RGS6: variants seen among roughly 807,000 people sequenced by gnomAD.
RGS6 encodes the protein regulator of G-protein signaling 6.
In RGS6, 30 loss-of-function variants were observed where a neutral mutation model predicts 78.5. The ratio of observed to expected loss-of-function variants is 0.38; its 90% CI spans 0.29 to 0.52. The LOEUF (loss-of-function observed/expected upper bound fraction) is 0.52. Ranked by LOEUF, RGS6 falls within the 20% of genes least tolerant of loss-of-function variation. RGS6 has a pLI of 0.85. For missense variants in RGS6, 495 were observed against 609.7 expected (o/e 0.81, Z 1.98); for synonymous variants, 206 against 206.0 (o/e 1.00, Z 0.00).
intron 3 of RGS6, among the ~76,000 whole-genome samples, chr14:72,382,172 T>C (rs751693246): frequency 6.6e-6 from 1 of 152,014 alleles, no homozygotes; most frequent in Non-Finnish European, 1.5e-5. Context: ...GAAGCCACAA[T>C]TGGAAGAAGA....
intron 2 of RGS6, among the ~76,000 whole-genome samples, chr14:72,076,506 A>G (rs1021759151): frequency 5.9e-5 from 9 of 152,196 alleles, no homozygotes; most frequent in Non-Finnish European, 2.9e-5. Flanking sequence ...AAATATATGT[A>G]CATTTAACAT....
At chr14:72,080,161 A>G (rs1406927512) in intron 2 of RGS6, among the ~76,000 whole-genome samples, 1 of 152,288 alleles carries the variant, frequency 6.6e-6, no homozygotes, top group Non-Finnish European at 1.5e-5. Context: ...AGCAGTGTAC[A>G]AAGATTCCCT....
intron 2 of RGS6, among the ~76,000 whole-genome samples, chr14:72,129,702 C>T (rs1460649473): frequency 6.6e-6 from 1 of 152,164 alleles, no homozygotes; most frequent in Non-Finnish European, 1.5e-5. Flanking sequence ...GAACTTCTAA[C>T]ATAGTGTGGC....
At chr14:72,417,094 C>T in intron 3 of RGS6, among the ~76,000 whole-genome samples, 1 of 152,210 alleles carries the variant, frequency 6.6e-6, no homozygotes, top group African/African-American at 2.4e-5. Context: ...TTATCAGCGC[C>T]ACTCCCTAAG....
chr14:72,465,607 TGGA>T, intron 6 of RGS6, 148 bp from the exon 7 acceptor site: 58 of 588,680 alleles, frequency 9.9e-5, no homozygotes, highest in African/African-American at 6.8e-4. Flanking sequence ...GATGGTTGGG[TGGA>T]TGGGTGGATG....
intron 2 of RGS6, among the ~76,000 whole-genome samples, chr14:72,243,876 A>C (rs2053549997): frequency 6.6e-6 from 1 of 151,974 alleles, no homozygotes; most frequent in African/African-American, 2.4e-5. Flanking sequence ...AATACAGTTC[A>C]CTCTGTAGAG....
chr14:72,225,772 G>A (rs1370869952), intron 2 of RGS6, among the ~76,000 whole-genome samples: 1 of 152,168 alleles, frequency 6.6e-6, no homozygotes, highest in Non-Finnish European at 1.5e-5. Flanking sequence ...TATATTTAGT[G>A]TAATCAAATC....
chr14:71,960,018 C>G (rs1406837089), intron 1 of RGS6, among the ~76,000 whole-genome samples: 1 of 152,204 alleles, frequency 6.6e-6, no homozygotes, highest in African/African-American at 2.4e-5. Context: ...CGAGGCCCTT[C>G]CTTCCTGCTC....
chr14:72,081,725 G>T lies in RGS6; in HGVS notation c.84+116850G>T, dbSNP rs1453021426. Among the ~76,000 whole-genome samples, 3 of 151,980 alleles carry T rather than the reference G, an allele frequency of 2.0e-5. No individual in the cohort carries two copies. The East Asian group carries it at 5.8e-4, about 29-fold the overall frequency. ...TATTTAGCCTGACTAGAATGTCTGAGCCTTTTTATGCTAAAAATGCAAGTC... is the reference window on the plus strand; with the variant it reads ...TATTTAGCCTGACTAGAATGTCTGATCCTTTTTATGCTAAAAATGCAAGTC... On this transcript the variant is annotated intron_variant, in intron 2 of 17. Transcript: ENST00000553525.
intron 2 of RGS6, among the ~76,000 whole-genome samples, chr14:72,294,178 G>A (rs796158916): frequency 5.3e-5 from 8 of 152,336 alleles, no homozygotes; most frequent in African/African-American, 1.9e-4. Context: ...ATGGATTAGG[G>A]TACTTAACAT....
chr14:72,022,691 C>T (rs1228947818), intron 2 of RGS6, among the ~76,000 whole-genome samples: 1 of 114,550 alleles, frequency 8.7e-6, no homozygotes, highest in Non-Finnish European at 1.8e-5. Flanking sequence ...ACCATGGAGA[C>T]CCTGGTTCGC....
intron 2 of RGS6, among the ~76,000 whole-genome samples, chr14:72,019,261 G>C (rs892034126): frequency 3.9e-5 from 6 of 152,136 alleles, no homozygotes; most frequent in Non-Finnish European, 8.8e-5. Flanking sequence ...ATAACAGTGG[G>C]TGTCAAGTGT....
chr14:72,055,830 G>A (rs1005906306), intron 2 of RGS6, among the ~76,000 whole-genome samples: 1 of 152,144 alleles, frequency 6.6e-6, no homozygotes. Flanking sequence ...GAATCCTCTT[G>A]CCTCTAATTT....
chr14:72,598,686 C>T, the RGS6 span, among the ~76,000 whole-genome samples: 1 of 152,244 alleles, frequency 6.6e-6, no homozygotes, highest in Non-Finnish European at 1.5e-5. Flanking sequence ...AAAGAGCTTA[C>T]ACCTCCCCAA....
chr14:72,233,831 G>T (rs1225936414), intron 2 of RGS6, among the ~76,000 whole-genome samples: 1 of 152,130 alleles, frequency 6.6e-6, no homozygotes, highest in South Asian at 2.1e-4. Flanking sequence ...CCATGATGTG[G>T]ACATCCTGGC....
At chr14:72,296,233 A>G (rs2064797637) in intron 2 of RGS6, among the ~76,000 whole-genome samples, 1 of 152,208 alleles carries the variant, frequency 6.6e-6, no homozygotes, top group South Asian at 2.1e-4. Flanking sequence ...CATTGTGTGA[A>G]TGAATATGCC....
intron 2 of RGS6, among the ~76,000 whole-genome samples, chr14:72,115,830 A>G (rs2095873672): frequency 6.6e-6 from 1 of 151,906 alleles, no homozygotes; most frequent in Admixed American, 6.6e-5. Flanking sequence ...CTATAAGTCA[A>G]CCACACCTAG....
chr14:71,876,650 T>A, the RGS6 span, among the ~76,000 whole-genome samples: 11,175 of 151,994 alleles, frequency 0.074, 845 homozygotes, highest in East Asian at 0.21. Flanking sequence ...CTGTGTCTTT[T>A]AATTGGAGCA....
intron 2 of RGS6, among the ~76,000 whole-genome samples, chr14:71,985,080 T>G (rs1394066311): frequency 6.6e-6 from 1 of 152,214 alleles, no homozygotes; most frequent in Non-Finnish European, 1.5e-5. Flanking sequence ...ACCTAAGCAC[T>G]AATCTGTGCC....
Sources: gnomAD v4.1 joint callset for allele counts (sites outside exome capture counted in the v4.1 genomes callset) on GRCh38, gnomAD v4.1.1 for gene constraint, MANE v1.5 for transcripts, NCBI Gene and HGNC (gene_info 2026-07-23, HGNC 2026-07-21) for gene names.